The following NCALD variants were observed in gnomAD, a reference collection of about 807,000 sequenced individuals.
The protein encoded by NCALD is neurocalcin delta.
Under a neutral mutation model 18.6 loss-of-function variants are expected in NCALD, and 10 were observed. That is an observed-to-expected ratio of 0.54 (90% CI 0.33 to 0.91). The LOEUF is 0.91. Among genes scored for constraint, NCALD ranks in the 40% least tolerant of loss-of-function variants. NCALD has a pLI of 0.03. For missense variants in NCALD, 184 were observed against 247.6 expected (o/e 0.74, Z 1.72); for synonymous variants, 88 against 87.4 (o/e 1.01, Z -0.04).
intron 2 of NCALD, among the ~76,000 whole-genome samples, chr8:101,948,062 G>A (rs188468696): frequency 2.8e-4 from 43 of 152,362 alleles, no homozygotes; most frequent in Admixed American, 2.2e-3. Context: ...AAGGTCATTA[G>A]GAGTCCTTGA....
chr8:102,001,634 G>A (rs1460756484), intron 2 of NCALD, among the ~76,000 whole-genome samples: 9 of 152,264 alleles, frequency 5.9e-5, no homozygotes, highest in South Asian at 2.1e-4. Flanking sequence ...GAAAAAGGTC[G>A]GGTTACCCAC....
rs1491550100 is a variant in NCALD at position 101,763,966 on chromosome 8, C to CTCTCT, written c.-20+26895_-20+26896insAGAGA. Among the ~76,000 whole-genome samples the CTCTCT allele has an allele frequency of 1.7e-3, 145 of 85,290 alleles. 1 individual carries two copies. The highest frequency in any genetic ancestry group is 4.8e-3 in the African/African-American group (123 of 25,420). 56.0% of individuals were successfully genotyped at this position (85,290 alleles called of 152,430 possible). On this transcript the variant is annotated intron_variant, in intron 1 of 3. Transcript: ENST00000220931. ...TTATGACAAATTTCTCTCTCTCTCT[C>CTCTCT]CACACACACACACACACACACACAC...
intron 1 of NCALD, among the ~76,000 whole-genome samples, chr8:102,085,657 T>G (rs1824712959): frequency 6.6e-6 from 1 of 151,646 alleles, no homozygotes; most frequent in South Asian, 2.1e-4. Flanking sequence ...TTCAGGAGGC[T>G]GAGGCAGGGA....
At chr8:101,753,589 G>A (rs1810749222) in intron 1 of NCALD, among the ~76,000 whole-genome samples, 2 of 152,196 alleles carry the variant, frequency 1.3e-5, no homozygotes, top group South Asian at 4.1e-4. Flanking sequence ...ACCATGGACT[G>A]GCTTGGGAAG....
At chr8:101,911,145 G>A (rs1053325983) in intron 3 of NCALD, among the ~76,000 whole-genome samples, 12 of 152,002 alleles carry the variant, frequency 7.9e-5, no homozygotes, top group African/African-American at 2.7e-4. Flanking sequence ...TAGTACAGGT[G>A]ATCCTGTTCT....
intron 1 of NCALD, among the ~76,000 whole-genome samples, chr8:102,064,366 C>A (rs751915187): frequency 2.0e-4 from 30 of 152,210 alleles, no homozygotes; most frequent in Non-Finnish European, 3.4e-4. Context: ...CAGGTACATG[C>A]TCCTTTAACC....
At chr8:101,766,258 T>C (rs137880810) in intron 1 of NCALD, among the ~76,000 whole-genome samples, 3 of 152,312 alleles carry the variant, frequency 2.0e-5, no homozygotes, top group African/African-American at 7.2e-5. Context: ...GTAAATTCCA[T>C]TTTAAATTGG....
intron 1 of NCALD, among the ~76,000 whole-genome samples, chr8:102,045,401 G>A (rs1306122468): frequency 6.6e-6 from 1 of 152,070 alleles, no homozygotes; most frequent in African/African-American, 2.4e-5. Context: ...ACCATACCGG[G>A]TGCTTATGAA....
At chr8:101,890,502 TG>T (rs1300848857) in intron 3 of NCALD, among the ~76,000 whole-genome samples, 2 of 152,138 alleles carry the variant, frequency 1.3e-5, no homozygotes, top group African/African-American at 4.8e-5. Flanking sequence ...GATATGGCCT[TG>T]GGGGTGGTGA....
chr8:102,033,474 A>G (rs187956755), intron 1 of NCALD, among the ~76,000 whole-genome samples: 1 of 152,312 alleles, frequency 6.6e-6, no homozygotes, highest in East Asian at 1.9e-4. Flanking sequence ...TAAGCTAGTC[A>G]CAAAATTTTG....
At chr8:101,731,290 C>T (rs760106440) in intron 1 of NCALD, among the ~76,000 whole-genome samples, 2 of 152,152 alleles carry the variant, frequency 1.3e-5, no homozygotes, top group Non-Finnish European at 2.9e-5. Context: ...GGACTTTCAG[C>T]TTTCACTCTG....
intron 2 of NCALD, among the ~76,000 whole-genome samples, chr8:101,918,264 T>C (rs1348495713): frequency 2.0e-5 from 3 of 152,106 alleles, no homozygotes. Flanking sequence ...CAAAAAGTTT[T>C]TGATAAAATC....
intron 4 of NCALD, among the ~76,000 whole-genome samples, chr8:101,864,592 T>TC (rs1480386844): frequency 7.9e-5 from 11 of 139,330 alleles, no homozygotes; most frequent in African/African-American, 2.8e-4. Flanking sequence ...TTCTTTCCTT[T>TC]CTTTTTTTTT....
intron 1 of NCALD, among the ~76,000 whole-genome samples, chr8:101,751,988 G>T (rs902969939): frequency 1.3e-5 from 2 of 152,144 alleles, no homozygotes; most frequent in Admixed American, 6.5e-5. Flanking sequence ...ACAATGGCAT[G>T]TTTTGGCTAC....
At chr8:101,921,516 C>T (rs190153460) in intron 2 of NCALD, among the ~76,000 whole-genome samples, 43 of 152,214 alleles carry the variant, frequency 2.8e-4, no homozygotes, top group Admixed American at 2.5e-3. Context: ...TCAGTCAATA[C>T]ACCAAGGACT....
chr8:101,876,694 G>T (rs925343637), intron 4 of NCALD, among the ~76,000 whole-genome samples: 8 of 152,104 alleles, frequency 5.3e-5, no homozygotes, highest in Non-Finnish European at 8.8e-5. Flanking sequence ...AGATGAGAAA[G>T]AAAATAAAAT....
intron 2 of NCALD, among the ~76,000 whole-genome samples, chr8:101,976,073 A>G (rs35117116): frequency 0.14 from 21,737 of 151,974 alleles, 1,556 homozygotes; most frequent in Middle Eastern, 0.23. Context: ...CCATTTTCAC[A>G]GCTCCTTTTA....
intron 4 of NCALD, among the ~76,000 whole-genome samples, chr8:101,877,602 C>G (rs923280420): frequency 1.3e-5 from 2 of 152,206 alleles, no homozygotes; most frequent in Non-Finnish European, 2.9e-5. Context: ...GCCTTCATCT[C>G]CTTACAGGAA....
At chr8:101,713,798 C>G (rs1448559745) in intron 2 of NCALD, among the ~76,000 whole-genome samples, 1 of 151,906 alleles carries the variant, frequency 6.6e-6, no homozygotes, top group East Asian at 1.9e-4. Context: ...GATAGCCTAC[C>G]AACAAAAAAA....
Sources: gnomAD v4.1 joint callset for allele counts (sites outside exome capture counted in the v4.1 genomes callset) on GRCh38, gnomAD v4.1.1 for gene constraint, MANE v1.5 for transcripts, NCBI Gene and HGNC (gene_info 2026-07-23, HGNC 2026-07-21) for gene names.